The following MSRA variants were observed in gnomAD, a reference collection of about 807,000 sequenced individuals.
MSRA encodes the protein mitochondrial peptide methionine sulfoxide reductase.
MSRA carries 54 observed loss-of-function variants against 31.3 expected under a neutral mutation model. The observed-to-expected ratio is 1.73, with a 90% CI of 1.39 to 2.17. The LOEUF is 2.17. Among genes scored for constraint, MSRA ranks in the 30% most tolerant of loss-of-function variants. The pLI is 0.00. For synonymous variants in MSRA, 169 were observed against 116.5 expected, an observed-to-expected ratio of 1.45 and a Z score of -2.90; for missense variants, 507 against 300.9, an observed-to-expected ratio of 1.69 and a Z score of -5.07.
chr8:10,346,273 C>T (rs904221811), intron 5 of MSRA, among the ~76,000 whole-genome samples: 1 of 152,174 alleles, frequency 6.6e-6, no homozygotes, highest in Non-Finnish European at 1.5e-5. Flanking sequence ...AGTATAGATT[C>T]AGAATCAGCT....
intron 2 of MSRA, among the ~76,000 whole-genome samples, chr8:10,226,728 TTTG>T (rs904530218): frequency 8.6e-5 from 13 of 151,834 alleles, no homozygotes; most frequent in Admixed American, 6.6e-4. Flanking sequence ...TGTTTGTTTG[TTTG>T]TTTTTTGTTT....
chr8:10,111,072 G>C (rs777547874), intron 1 of MSRA, among the ~76,000 whole-genome samples: 4 of 152,176 alleles, frequency 2.6e-5, no homozygotes, highest in Admixed American at 2.0e-4. Context: ...CTGTGTGCTT[G>C]ATTTGACCAA....
chr8:10,159,624 A>G (rs1804467610), intron 1 of MSRA, among the ~76,000 whole-genome samples: 1 of 151,766 alleles, frequency 6.6e-6, no homozygotes, highest in Non-Finnish European at 1.5e-5. Flanking sequence ...CTGTCAAAGC[A>G]CTTTACAAGG....
At chr8:10,137,016 T>C (rs1452308381) in intron 1 of MSRA, among the ~76,000 whole-genome samples, 1 of 152,196 alleles carries the variant, frequency 6.6e-6, no homozygotes, top group African/African-American at 2.4e-5. Flanking sequence ...CAAATATATA[T>C]TTTTGTCGAA....
At chr8:10,076,104 C>T (rs967067513) in intron 1 of MSRA, among the ~76,000 whole-genome samples, 9 of 152,214 alleles carry the variant, frequency 5.9e-5, no homozygotes, top group Non-Finnish European at 1.2e-4. Context: ...GCTGTGTGAC[C>T]TTGGATAAAT....
chr8:10,305,833 C>T (rs1005398351), intron 4 of MSRA, among the ~76,000 whole-genome samples: 3 of 152,174 alleles, frequency 2.0e-5, no homozygotes, highest in Non-Finnish European at 4.4e-5. Context: ...GACAGTGAGT[C>T]TGAAGAGGAT....
intron 2 of MSRA, among the ~76,000 whole-genome samples, chr8:10,214,250 C>G (rs1563226577): frequency 6.6e-6 from 1 of 152,052 alleles, no homozygotes; most frequent in Non-Finnish European, 1.5e-5. Context: ...GGTCCCGGAG[C>G]AGGGGCCCGT....
intron 3 of MSRA, among the ~76,000 whole-genome samples, chr8:10,260,842 G>A (rs1798442157): frequency 6.6e-6 from 1 of 152,180 alleles, no homozygotes; most frequent in Non-Finnish European, 1.5e-5. Context: ...ACTTCTGAAT[G>A]TTGTAATCGT....
intron 5 of MSRA, among the ~76,000 whole-genome samples, chr8:10,402,869 C>G (rs1369055585): frequency 6.6e-6 from 1 of 152,210 alleles, no homozygotes; most frequent in Admixed American, 6.5e-5. Flanking sequence ...ACTGAAGGGT[C>G]CCAACATGGG....
chr8:10,211,086 A>G (rs948613227), intron 2 of MSRA, among the ~76,000 whole-genome samples: 17 of 152,146 alleles, frequency 1.1e-4, no homozygotes, highest in African/African-American at 4.1e-4. Context: ...TACCTTTAGA[A>G]TGCTACCGAA....
chr8:10,077,860 C>G (rs1480404417), intron 1 of MSRA, among the ~76,000 whole-genome samples: 1 of 152,108 alleles, frequency 6.6e-6, no homozygotes, highest in Non-Finnish European at 1.5e-5. Context: ...CATCCCCGGC[C>G]ATGTGTTAGC....
intron 5 of MSRA, among the ~76,000 whole-genome samples, chr8:10,345,521 C>T (rs1013028470): frequency 5.9e-5 from 9 of 152,178 alleles, no homozygotes; most frequent in Admixed American, 5.2e-4. Flanking sequence ...TCTGTTTCAT[C>T]TTCCACACAA....
intron 1 of MSRA, among the ~76,000 whole-genome samples, chr8:10,156,076 G>T (rs1037058288): frequency 9.2e-5 from 14 of 152,138 alleles, no homozygotes; most frequent in African/African-American, 3.4e-4. Context: ...GAAGCCCCTG[G>T]GAAGAGTGGC....
intron 5 of MSRA, among the ~76,000 whole-genome samples, chr8:10,378,051 A>G (rs968062494): frequency 2.0e-5 from 3 of 152,190 alleles, no homozygotes; most frequent in East Asian, 3.9e-4. Flanking sequence ...AGGCCAGCAG[A>G]TGTCTTTATC....
intron 5 of MSRA, among the ~76,000 whole-genome samples, chr8:10,370,797 C>T (rs1048570607): frequency 5.3e-5 from 8 of 152,218 alleles, no homozygotes; most frequent in Middle Eastern, 3.2e-3. Flanking sequence ...TCCTGTGGGT[C>T]GGCTCCTGGC....
At chr8:10,157,073 C>T (rs868448528) in intron 1 of MSRA, among the ~76,000 whole-genome samples, 3 of 151,806 alleles carry the variant, frequency 2.0e-5, no homozygotes, top group Non-Finnish European at 4.4e-5. Flanking sequence ...GTGAATACAT[C>T]GTAGATTTGA....
chr8:10,315,477 ATAG>A (rs1217247584), intron 4 of MSRA, among the ~76,000 whole-genome samples: 1 of 152,226 alleles, frequency 6.6e-6, no homozygotes, highest in Non-Finnish European at 1.5e-5. Flanking sequence ...AAATAGAGTA[ATAG>A]TAGACACTTA....
chr8:10,275,875 A>G (rs1445589694), intron 3 of MSRA, among the ~76,000 whole-genome samples: 1 of 152,162 alleles, frequency 6.6e-6, no homozygotes, highest in Non-Finnish European at 1.5e-5. Flanking sequence ...CTCTTGACCC[A>G]CAATCTGGAA....
At chr8:10,298,823 G>A (rs1378341428) in intron 3 of MSRA, among the ~76,000 whole-genome samples, 1 of 152,124 alleles carries the variant, frequency 6.6e-6, no homozygotes, top group Non-Finnish European at 1.5e-5. Context: ...TTTCTTATAA[G>A]TATTCTACCA....
Sources: gnomAD v4.1 joint callset for allele counts (sites outside exome capture counted in the v4.1 genomes callset) on GRCh38, gnomAD v4.1.1 for gene constraint, MANE v1.5 for transcripts, NCBI Gene and HGNC (gene_info 2026-07-23, HGNC 2026-07-21) for gene names.